The following ZBTB16 variants were observed in gnomAD, a reference collection of about 807,000 sequenced individuals.
ZBTB16 encodes the protein zinc finger and BTB domain-containing protein 16.
ZBTB16 carries 8 observed loss-of-function variants against 56.8 expected under a neutral mutation model. That is an observed-to-expected ratio of 0.14 (90% CI 0.08 to 0.25). The LOEUF is 0.25. ZBTB16 is among the 10% of genes least tolerant of loss of function. The pLI is 1.00. For missense variants in ZBTB16, 625 were observed against 903.0 expected (o/e 0.69, Z 3.95); for synonymous variants, 363 against 368.5 (o/e 0.98, Z 0.17).
intron 2 of ZBTB16, among the ~76,000 whole-genome samples, chr11:114,132,446 G>A (rs1941689945): frequency 6.6e-6 from 1 of 152,176 alleles, no homozygotes; most frequent in South Asian, 2.1e-4. Flanking sequence ...TACAATGTCT[G>A]TCAGTAGGGA....
At chr11:114,129,451 G>C (rs1445526219) in intron 2 of ZBTB16, among the ~76,000 whole-genome samples, 1 of 152,184 alleles carries the variant, frequency 6.6e-6, no homozygotes, top group Non-Finnish European at 1.5e-5. Flanking sequence ...CCTCCCCAAG[G>C]CTTGTTGAAA....
chr11:114,087,030 G>A (rs1323099945), intron 2 of ZBTB16, among the ~76,000 whole-genome samples: 1 of 152,112 alleles, frequency 6.6e-6, no homozygotes, highest in Non-Finnish European at 1.5e-5. Flanking sequence ...TGTGGTGCCT[G>A]GAACTCCCTG....
intron 2 of ZBTB16, among the ~76,000 whole-genome samples, chr11:114,073,013 C>G (rs1939405531): frequency 7.0e-6 from 1 of 142,998 alleles, no homozygotes; most frequent in Non-Finnish European, 1.5e-5. Context: ...GATCATGCCA[C>G]TCACTACACT....
intron 2 of ZBTB16, among the ~76,000 whole-genome samples, chr11:114,120,939 C>T (rs1941324512): frequency 6.6e-6 from 1 of 152,178 alleles, no homozygotes; most frequent in Non-Finnish European, 1.5e-5. Flanking sequence ...TTGGCCGCTT[C>T]AAGATGGTGC....
At chr11:114,237,888 A>C (rs1392251764) in intron 4 of ZBTB16, among the ~76,000 whole-genome samples, 1 of 152,182 alleles carries the variant, frequency 6.6e-6, no homozygotes, top group African/African-American at 2.4e-5. Context: ...AAATGGGGAA[A>C]GTGGATGCTG....
chr11:114,235,619 C>T (rs28559794), intron 4 of ZBTB16, among the ~76,000 whole-genome samples: 4 of 142,286 alleles, frequency 2.8e-5, no homozygotes, highest in East Asian at 2.1e-4. Flanking sequence ...TCTTTCTTTC[C>T]CTCTCCCTTC....
At chr11:114,098,083 T>C (rs1313981901) in intron 2 of ZBTB16, among the ~76,000 whole-genome samples, 1 of 152,232 alleles carries the variant, frequency 6.6e-6, no homozygotes, top group Non-Finnish European at 1.5e-5. Context: ...TGTGAGCTTC[T>C]CAACAGCATC....
intron 2 of ZBTB16, among the ~76,000 whole-genome samples, chr11:114,081,870 T>G (rs1672715): frequency 0.99 from 150,303 of 152,178 alleles, 74,261 homozygotes; most frequent in Middle Eastern, 1. Context: ...TATAAATGCG[T>G]GGAGAGAGAT....
At chr11:114,223,844 A>G (rs1306884949) in intron 4 of ZBTB16, among the ~76,000 whole-genome samples, 1 of 152,172 alleles carries the variant, frequency 6.6e-6, no homozygotes, top group Non-Finnish European at 1.5e-5. Context: ...AAGTTAAGAC[A>G]ATGAAGGAAT....
intron 4 of ZBTB16, among the ~76,000 whole-genome samples, chr11:114,228,403 C>G (rs656123): frequency 0.3 from 45,196 of 152,102 alleles, 7,463 homozygotes; most frequent in East Asian, 0.39. Flanking sequence ...ATATGACTTG[C>G]TGGTTGCTTA....
intron 3 of ZBTB16, among the ~76,000 whole-genome samples, chr11:114,179,134 T>C (rs1453295808): frequency 6.6e-6 from 1 of 152,214 alleles, no homozygotes; most frequent in Non-Finnish European, 1.5e-5. Flanking sequence ...GACCTATCAA[T>C]GGGGCTGGTT....
intron 2 of ZBTB16, among the ~76,000 whole-genome samples, chr11:114,080,429 G>C (rs1343556824): frequency 6.6e-6 from 1 of 151,672 alleles, no homozygotes; most frequent in Non-Finnish European, 1.5e-5. Flanking sequence ...GCACATGCTC[G>C]CTCTCGCTGG....
intron 4 of ZBTB16, among the ~76,000 whole-genome samples, chr11:114,231,816 A>G (rs1340888477): frequency 6.6e-6 from 1 of 152,214 alleles, no homozygotes; most frequent in Admixed American, 6.5e-5. Flanking sequence ...AGAAAGGACC[A>G]TTCAACCTGC....
chr11:114,079,379 T>C (rs996676231), intron 2 of ZBTB16, among the ~76,000 whole-genome samples: 4 of 152,166 alleles, frequency 2.6e-5, no homozygotes, highest in African/African-American at 9.7e-5. Flanking sequence ...ATCTTTTGTT[T>C]TGGGCACTGC....
At chr11:114,205,841 G>C in intron 4 of ZBTB16, among the ~76,000 whole-genome samples, 1 of 152,146 alleles carries the variant, frequency 6.6e-6, no homozygotes, top group East Asian at 1.9e-4. Context: ...CTGCCCCTTG[G>C]GCCCTAGAGT....
At chr11:114,071,150 C>T (rs1156676114) in intron 2 of ZBTB16, among the ~76,000 whole-genome samples, 1 of 151,806 alleles carries the variant, frequency 6.6e-6, no homozygotes, top group East Asian at 1.9e-4. Flanking sequence ...TCATGAAGTC[C>T]TTTTGGTTAA....
At chr11:114,145,973 T>C (rs1393319211) in intron 2 of ZBTB16, among the ~76,000 whole-genome samples, 3 of 152,186 alleles carry the variant, frequency 2.0e-5, no homozygotes, top group Non-Finnish European at 4.4e-5. Flanking sequence ...TTGTGTTAAA[T>C]GTTATAAAGG....
chr11:114,084,724 G>A (rs1244136355), intron 2 of ZBTB16, among the ~76,000 whole-genome samples: 1 of 152,198 alleles, frequency 6.6e-6, no homozygotes, highest in Non-Finnish European at 1.5e-5. Flanking sequence ...CCTCAAGTTA[G>A]AAATCCTGGG....
At chr11:114,098,699 A>G (rs1940504605) in intron 2 of ZBTB16, among the ~76,000 whole-genome samples, 1 of 152,150 alleles carries the variant, frequency 6.6e-6, no homozygotes, top group Non-Finnish European at 1.5e-5. Flanking sequence ...TACTTAATGG[A>G]TGGAGGTAAT....
Sources: gnomAD v4.1 joint callset for allele counts (sites outside exome capture counted in the v4.1 genomes callset) on GRCh38, gnomAD v4.1.1 for gene constraint, MANE v1.5 for transcripts, NCBI Gene and HGNC (gene_info 2026-07-23, HGNC 2026-07-21) for gene names.